The following TNIP3 variants were observed in gnomAD, a reference collection of about 807,000 sequenced individuals.
The protein encoded by TNIP3 is TNFAIP3-interacting protein 3.
TNIP3 carries 34 observed loss-of-function variants against 54.1 expected under a neutral mutation model. That is an observed-to-expected ratio of 0.63 (90% CI 0.48 to 0.84). The LOEUF is 0.84. Among genes scored for constraint, TNIP3 ranks in the 40% least tolerant of loss-of-function variants. TNIP3 has a pLI of 0.00. For missense variants in TNIP3, 366 were observed against 387.6 expected, an observed-to-expected ratio of 0.94 and a Z score of 0.47; for synonymous variants, 134 against 136.8, an observed-to-expected ratio of 0.98 and a Z score of 0.14.
chr4:121,177,451 T>G (rs1382943722), intron 3 of TNIP3, among the ~76,000 whole-genome samples: 2 of 152,232 alleles, frequency 1.3e-5, no homozygotes, highest in Non-Finnish European at 2.9e-5. Flanking sequence ...TGTTCATTTC[T>G]CTTATAGTAA....
chr4:121,161,496 A>G (rs1209425800), intron 1 of TNIP3, among the ~76,000 whole-genome samples: 1 of 152,190 alleles, frequency 6.6e-6, no homozygotes, highest in Non-Finnish European at 1.5e-5. Flanking sequence ...GGTAAGTCAG[A>G]GATTAAAATT....
At position 121,202,977 on chromosome 4, in the gene TNIP3, G is replaced by T. The variant is rs114411576; in HGVS notation, c.68+13438C>A. ...AAGGGAACACTTTTACACTGCTGTT[G>T]GGAATGAAAACTACTACAACCACTA... On this transcript the variant is annotated intron_variant, in intron 2 of 12. Transcript: ENST00000507879. Among the ~76,000 whole-genome samples the T allele has an allele frequency of 4.0e-3, 603 of 152,186 alleles. 2 individuals are homozygous for T. The highest frequency in any genetic ancestry group is 9.0e-3 in the African/African-American group (374 of 41,536).
At chr4:121,216,693 C>A, upstream of TNIP3, 1 of 1,313,650 alleles carries the variant, frequency 7.6e-7, no homozygotes, top group East Asian at 2.9e-5. Flanking sequence ...TGCCTAGTTT[C>A]AATGAAAGGT....
rs114077886 is a variant in TNIP3, at chr4:121,199,937, G to T, written c.68+16478C>A. On this transcript the variant is annotated intron_variant, in intron 2 of 12. Transcript: ENST00000507879. ...GCCCAGCCAAGACACCTCGTGTGGGGCTGCATATGCCCAGAAGAAAGGGTG... is the reference window on the plus strand; with the variant it reads ...GCCCAGCCAAGACACCTCGTGTGGGTCTGCATATGCCCAGAAGAAAGGGTG... Among the ~76,000 whole-genome samples, 840 of 152,238 alleles carry T rather than the reference G, an allele frequency of 5.5e-3. 12 individuals carry two copies. The highest frequency in any genetic ancestry group is 0.019 in the African/African-American group (803 of 41,546).
intron 2 of TNIP3, among the ~76,000 whole-genome samples, chr4:121,188,091 T>G (rs1191998258): frequency 6.6e-6 from 1 of 152,132 alleles, no homozygotes; most frequent in African/African-American, 2.4e-5. Context: ...GGCAAAGAGT[T>G]TGAGGTGAGA....
intron 2 of TNIP3, among the ~76,000 whole-genome samples, chr4:121,208,363 T>A (rs1726297483): frequency 6.6e-6 from 1 of 152,184 alleles, no homozygotes; most frequent in Non-Finnish European, 1.5e-5. Context: ...GAACTCAATG[T>A]GTCGGCTGGA....
At chr4:121,216,517 T>C (rs754606730) in intron 1 of TNIP3, 35 of 1,535,438 alleles carry the variant, frequency 2.3e-5, no homozygotes, top group Non-Finnish European at 3.1e-5. Flanking sequence ...TAAAAAAATA[T>C]GAAGGACATG....
At chr4:121,154,708 A>G in intron 4 of TNIP3, 29 bp from the exon 5 acceptor site, 1 of 1,577,308 alleles carries the variant, frequency 6.3e-7, no homozygotes, top group Non-Finnish European at 8.6e-7. Flanking sequence ...AAAGAAAATA[A>G]AAGTCAGTAC....
At chr4:121,213,559 T>C (rs1158431980) in intron 2 of TNIP3, among the ~76,000 whole-genome samples, 2 of 151,810 alleles carry the variant, frequency 1.3e-5, no homozygotes, top group Non-Finnish European at 1.5e-5. Context: ...ACACCATCTC[T>C]ACTAAAAATA....
chr4:121,220,664 A>C (rs994812239), upstream of TNIP3, among the ~76,000 whole-genome samples: 1 of 152,126 alleles, frequency 6.6e-6, no homozygotes, highest in Non-Finnish European at 1.5e-5. Flanking sequence ...AATGGCAAAA[A>C]AGTAAAATTG....
chr4:121,150,948 A>C (rs1339005596), intron 5 of TNIP3, among the ~76,000 whole-genome samples: 2 of 152,246 alleles, frequency 1.3e-5, no homozygotes, highest in Non-Finnish European at 2.9e-5. Context: ...TTAGCATGAC[A>C]TGAGGAGAGG....
chr4:121,158,308 G>T (rs1730232574), intron 3 of TNIP3, among the ~76,000 whole-genome samples: 1 of 152,030 alleles, frequency 6.6e-6, no homozygotes, highest in Admixed American at 6.6e-5. Context: ...AAAGAATTAG[G>T]GCTAACCTGG....
intron 7 of TNIP3, among the ~76,000 whole-genome samples, chr4:121,145,944 T>C (rs1729403319): frequency 6.7e-6 from 1 of 150,002 alleles, no homozygotes; most frequent in Non-Finnish European, 1.5e-5. Flanking sequence ...GCCATTGCAC[T>C]CCAGCCTGGG....
intron 8 of TNIP3, 31 bp from the exon 9 acceptor site, chr4:121,141,945 C>G: frequency 6.7e-7 from 1 of 1,494,046 alleles, no homozygotes; most frequent in South Asian, 1.3e-5. Context: ...GGGTCACTAC[C>G]AGTGGGAGAG....
At chr4:121,200,610 T>C (rs763391398) in intron 2 of TNIP3, among the ~76,000 whole-genome samples, 1 of 149,666 alleles carries the variant, frequency 6.7e-6, no homozygotes, top group South Asian at 2.1e-4. Context: ...TTTCCTATGA[T>C]AGAACAATCT....
intron 2 of TNIP3, among the ~76,000 whole-genome samples, chr4:121,198,332 C>A (rs1200392153): frequency 6.6e-6 from 1 of 151,854 alleles, no homozygotes. Flanking sequence ...AGAAAATAAC[C>A]CAAAACATAT....
At chr4:121,167,604 C>T (rs1234666781), upstream of TNIP3, among the ~76,000 whole-genome samples, 1 of 152,082 alleles carries the variant, frequency 6.6e-6, no homozygotes. Context: ...ATTTTAATTT[C>T]AGATTAAGAA....
At chr4:121,135,756 G>A (rs756430908) in intron 10 of TNIP3, among the ~76,000 whole-genome samples, 3 of 152,132 alleles carry the variant, frequency 2.0e-5, no homozygotes, top group Non-Finnish European at 4.4e-5. Context: ...AGAATTCTGA[G>A]CAATTCAGTT....
upstream of TNIP3, among the ~76,000 whole-genome samples, chr4:121,218,692 A>G (rs1726906682): frequency 6.6e-6 from 1 of 151,698 alleles, no homozygotes; most frequent in African/African-American, 2.4e-5. Flanking sequence ...GCTAGAGTTC[A>G]GTGGCTGTTC....
Sources: gnomAD v4.1 joint callset for allele counts (sites outside exome capture counted in the v4.1 genomes callset) on GRCh38, gnomAD v4.1.1 for gene constraint, MANE v1.5 for transcripts, NCBI Gene and HGNC (gene_info 2026-07-23, HGNC 2026-07-21) for gene names.